The following FRMD6 variants were observed in gnomAD, a reference collection of about 807,000 sequenced individuals.
FRMD6 encodes the protein FERM domain containing 6, also known as FERM domain-containing protein 6.
In FRMD6, 37 loss-of-function variants were observed where a neutral mutation model predicts 73.2. The observed-to-expected ratio is 0.51, with a 90% CI of 0.39 to 0.66. FRMD6 has a LOEUF of 0.66. Among genes scored for constraint, FRMD6 ranks in the 30% least tolerant of loss-of-function variants. The pLI is 0.00. For synonymous variants in FRMD6, 273 were observed against 282.2 expected (o/e 0.97, Z 0.33); for missense variants, 714 against 780.5 (o/e 0.91, Z 1.02).
intron 2 of FRMD6, among the ~76,000 whole-genome samples, chr14:51,693,406 G>A (rs1339800890): frequency 6.6e-6 from 1 of 152,164 alleles, no homozygotes; most frequent in Non-Finnish European, 1.5e-5. Context: ...CATGGACTGT[G>A]AGGTCATATA....
chr14:51,486,478 A>C (rs564050729), upstream of FRMD6, among the ~76,000 whole-genome samples: 1 of 152,316 alleles, frequency 6.6e-6, no homozygotes, highest in Admixed American at 6.5e-5. Context: ...CAATGCATTG[A>C]TGGTTTCATT....
chr14:51,576,060 G>T (rs1888386771), intron 2 of FRMD6: 1 of 152,494 alleles, frequency 6.6e-6, no homozygotes, highest in Admixed American at 6.5e-5. Flanking sequence ...GCAAAGGGCA[G>T]CCTGAACAAT....
chr14:51,666,249 A>G (rs1265514369), intron 1 of FRMD6, among the ~76,000 whole-genome samples: 2 of 152,218 alleles, frequency 1.3e-5, no homozygotes, highest in Admixed American at 1.3e-4. Flanking sequence ...TAGTTCTGTC[A>G]CATAGATGGA....
At chr14:51,417,427 A>G in the FRMD6 span, among the ~76,000 whole-genome samples, 1 of 152,172 alleles carries the variant, frequency 6.6e-6, no homozygotes, top group Non-Finnish European at 1.5e-5. Flanking sequence ...GTTTGGCTGG[A>G]TATGCAGTTC....
chr14:51,541,419 G>A (rs1596561720), intron 1 of FRMD6, among the ~76,000 whole-genome samples: 1 of 152,024 alleles, frequency 6.6e-6, no homozygotes, highest in African/African-American at 2.4e-5. Flanking sequence ...TCTTCTCATG[G>A]AGTTTATATC....
At chr14:51,396,762 A>G in the FRMD6 span, among the ~76,000 whole-genome samples, 193 of 152,350 alleles carry the variant, frequency 1.3e-3, no homozygotes, top group African/African-American at 4.6e-3. Context: ...CTGTAGGCCA[A>G]ATTAGTCAGC....
intron 2 of FRMD6, among the ~76,000 whole-genome samples, chr14:51,644,353 T>TCACACACACACA (rs375341468): frequency 1.2e-3 from 167 of 142,158 alleles, no homozygotes; most frequent in Middle Eastern, 3.6e-3. Flanking sequence ...GCCTCACCCT[T>TCACACACACACA]CACACACACA....
chr14:51,590,048 A>G (rs1261534788), intron 2 of FRMD6, among the ~76,000 whole-genome samples: 1 of 146,500 alleles, frequency 6.8e-6, no homozygotes, highest in Non-Finnish European at 1.5e-5. Flanking sequence ...AGCCTGGGCA[A>G]CAAGAGCGAA....
intron 1 of FRMD6, among the ~76,000 whole-genome samples, chr14:51,562,140 A>G (rs1887517282): frequency 6.6e-6 from 1 of 152,230 alleles, no homozygotes; most frequent in African/African-American, 2.4e-5. Flanking sequence ...AGCACTGCAA[A>G]GTAAATTTCC....
chr14:51,512,577 C>T (rs1424098645), intron 1 of FRMD6, among the ~76,000 whole-genome samples: 4 of 152,084 alleles, frequency 2.6e-5, no homozygotes, highest in Non-Finnish European at 4.4e-5. Context: ...GCAAGGAAGT[C>T]ACAACCTCCT....
At chr14:51,663,409 T>C (rs557548493) in intron 1 of FRMD6, among the ~76,000 whole-genome samples, 21 of 152,214 alleles carry the variant, frequency 1.4e-4, no homozygotes, top group Non-Finnish European at 2.5e-4. Flanking sequence ...GTGGTACATA[T>C]ATATCATGGA....
At chr14:51,424,397 A>G in the FRMD6 span, among the ~76,000 whole-genome samples, 1 of 152,260 alleles carries the variant, frequency 6.6e-6, no homozygotes, top group African/African-American at 2.4e-5. Context: ...AGTGAAAACC[A>G]TGGCAAAAGC....
At chr14:51,661,891 G>A (rs540334073) in intron 1 of FRMD6, among the ~76,000 whole-genome samples, 38 of 152,296 alleles carry the variant, frequency 2.5e-4, no homozygotes, top group African/African-American at 8.9e-4. Flanking sequence ...TAATATGCCT[G>A]GTAGGATGTG....
chr14:51,696,194 A>G (rs1895933548), intron 2 of FRMD6, among the ~76,000 whole-genome samples: 2 of 151,490 alleles, frequency 1.3e-5, no homozygotes, highest in East Asian at 3.9e-4. Flanking sequence ...TGCCACTATT[A>G]GTGATATGAC....
At chr14:51,534,948 C>T (rs1002112399) in intron 1 of FRMD6, among the ~76,000 whole-genome samples, 4 of 152,150 alleles carry the variant, frequency 2.6e-5, no homozygotes, top group Non-Finnish European at 5.9e-5. Flanking sequence ...GTATTGTTGA[C>T]CCAAGGTGAG....
intron 1 of FRMD6, among the ~76,000 whole-genome samples, chr14:51,656,704 G>T (rs371317379): frequency 1.3e-5 from 2 of 152,114 alleles, no homozygotes; most frequent in African/African-American, 4.8e-5. Flanking sequence ...GAGCCACCGC[G>T]CCCGGCTAGC....
chr14:51,624,046 G>T (rs1422782056), intron 2 of FRMD6, among the ~76,000 whole-genome samples: 1 of 152,098 alleles, frequency 6.6e-6, no homozygotes, highest in African/African-American at 2.4e-5. Context: ...AACTAATGCA[G>T]GAACAGAACA....
chr14:51,588,547 C>T (rs1029484491), intron 2 of FRMD6, among the ~76,000 whole-genome samples: 2 of 152,130 alleles, frequency 1.3e-5, no homozygotes, highest in African/African-American at 2.4e-5. Context: ...TCTACATCTA[C>T]AGGAACACGA....
intron 1 of FRMD6, among the ~76,000 whole-genome samples, chr14:51,529,191 T>C (rs1566795171): frequency 6.6e-6 from 1 of 152,252 alleles, no homozygotes; most frequent in Non-Finnish European, 1.5e-5. Context: ...TCTGAAAGCA[T>C]ATATTATGGT....
Sources: allele counts gnomAD v4.1 joint callset (sites outside exome capture counted in the v4.1 genomes callset), GRCh38; gene constraint gnomAD v4.1.1; transcripts MANE v1.5; gene names NCBI Gene and HGNC (gene_info 2026-07-23, HGNC 2026-07-21).